VAV1: variants seen among roughly 807,000 people sequenced by gnomAD.
VAV1 encodes the protein proto-oncogene vav.
A neutral mutation model predicts 128.1 loss-of-function variants in VAV1; 33 were observed. That is an observed-to-expected ratio of 0.26 (90% CI 0.20 to 0.34). VAV1 has a LOEUF of 0.34. VAV1 is among the 10% of genes least tolerant of loss of function. The probability of loss-of-function intolerance (pLI) is 1.00; values close to 1 mark genes in which losing one functional copy is unlikely to be tolerated. For synonymous variants in VAV1, 394 were observed against 409.8 expected (o/e 0.96, Z 0.47); for missense variants, 715 against 1,093.7 (o/e 0.65, Z 4.88).
At chr19:6,853,357 C>A (rs1972713865) in intron 25 of VAV1, among the ~76,000 whole-genome samples, 1 of 151,706 alleles carries the variant, frequency 6.6e-6, no homozygotes, top group Admixed American at 6.6e-5. Flanking sequence ...CCTTTGCCTC[C>A]CACCTCTTGG....
rs1488688441 is a variant in VAV1 at position 6,826,166 on chromosome 19, C to T, written c.828-446C>T. Reference sequence around the variant, plus strand: ...CAGCCTGGCCAACATGGCAAAACCCCGTCTCTACTAAAAATACAAAAATTA... The same window carrying T: ...CAGCCTGGCCAACATGGCAAAACCCTGTCTCTACTAAAAATACAAAAATTA... On this transcript the variant is annotated intron_variant, in intron 8 of 26. Coordinates refer to ENST00000602142, the MANE Select transcript of VAV1 (RefSeq NM_005428.4). The surrounding 1 kb of genome is among the most constrained non-coding windows in gnomAD (Gnocchi z 4.1). Among the ~76,000 whole-genome samples, 2 of 151,758 alleles carry T rather than the reference C, an allele frequency of 1.3e-5. No homozygotes were observed. The highest frequency in any genetic ancestry group is 2.9e-5 in the Non-Finnish European group (2 of 67,950).
intron 22 of VAV1, among the ~76,000 whole-genome samples, chr19:6,847,264 C>G (rs923234738): frequency 1.4e-4 from 21 of 152,134 alleles, no homozygotes; most frequent in African/African-American, 5.1e-4. Flanking sequence ...CCGTTTAGCT[C>G]CAAAACATTC....
intron 13 of VAV1, 134 bp downstream of exon 13, chr19:6,829,034 GGACA>G (rs1971989058): frequency 9.9e-7 from 1 of 1,011,624 alleles, no homozygotes; most frequent in African/African-American, 1.6e-5. Context: ...GCTTCTAGAT[GGACA>G]GGTGGGTGGA....
At chr19:6,825,462 G>A (rs1373707235) in intron 8 of VAV1, 56 bp downstream of exon 8, 19 of 1,487,398 alleles carry the variant, frequency 1.3e-5, no homozygotes, top group Non-Finnish European at 1.7e-5. Context: ...TGCCTAGGCT[G>A]GGCATCTGAG....
intron 1 of VAV1, among the ~76,000 whole-genome samples, chr19:6,776,443 TCCAC>T (rs747923618): frequency 5.2e-5 from 6 of 115,978 alleles, no homozygotes; most frequent in Admixed American, 1.6e-4. Flanking sequence ...CATCCATCCA[TCCAC>T]CCACCCATCC....
intron 1 of VAV1, among the ~76,000 whole-genome samples, chr19:6,807,471 C>T (rs573774962): frequency 5.9e-5 from 9 of 152,140 alleles, no homozygotes; most frequent in South Asian, 4.1e-4. Context: ...GGTGGTAATG[C>T]GAGCAATGGG....
At chr19:6,796,369 G>C (rs2617819) in intron 1 of VAV1, among the ~76,000 whole-genome samples, 42,352 of 151,792 alleles carry the variant, frequency 0.28, 10,374 homozygotes, top group African/African-American at 0.67. Flanking sequence ...GCCACTTGCT[G>C]CATTTTGATT....
Position 6,857,328 on chromosome 19 carries a change from AG to A in VAV1, c.*226del. 1 of 575,444 alleles carries A rather than the reference AG, an allele frequency of 1.7e-6. No individual in the cohort carries two copies. The highest frequency in any genetic ancestry group is 2.1e-5 in the South Asian group (1 of 48,452). 35.6% of individuals were successfully genotyped at this position (575,444 alleles called of 1,614,324 possible). A position where few individuals can be genotyped will look rare whatever the true frequency, so the allele number is the denominator to read the frequency against. On this transcript the variant is annotated 3_prime_UTR_variant, in exon 27 of 27. Transcript: ENST00000602142. Reference sequence around the variant, plus strand: ...GGTCCCCTCAAGCAGACGGGGCTCAAGGGGGTTACATTTAATAAAAGGATGA... The same window carrying A: ...GGTCCCCTCAAGCAGACGGGGCTCAAGGGGTTACATTTAATAAAAGGATGA...
rs28571162 is a variant in VAV1, at chr19:6,852,724, G to C, written c.2218-241G>C. Among the ~76,000 whole-genome samples, 50 of 141,790 alleles carry C rather than the reference G, an allele frequency of 3.5e-4. 1 individual carries two copies. The highest frequency in any genetic ancestry group is 1.2e-3 in the African/African-American group (48 of 38,882). 93.0% of individuals were successfully genotyped at this position (141,790 alleles called of 152,430 possible). On this transcript the variant is annotated intron_variant, in intron 24 of 26. Transcript: ENST00000602142. ...CGACAGAGCCAGACTCCGTCTCAAA[G>C]AAAAAAAAAAAAGAAAGAAAGAACC...
chr19:6,833,163 T>C (rs759832296), intron 15 of VAV1, 21 bp from the exon 16 acceptor site: 1 of 1,579,612 alleles, frequency 6.3e-7, no homozygotes, highest in Non-Finnish European at 8.6e-7. Context: ...TTTTTTTTTT[T>C]TTTTAATTTT....
intron 21 of VAV1, 73 bp downstream of exon 21, chr19:6,837,123 G>T (rs1457140684): frequency 6.6e-7 from 1 of 1,507,978 alleles, no homozygotes; most frequent in Non-Finnish European, 9.2e-7. Context: ...GACAGACTTG[G>T]AAAGACACCC....
chr19:6,816,847 C>G (rs1220786855), intron 1 of VAV1, among the ~76,000 whole-genome samples: 3 of 151,700 alleles, frequency 2.0e-5, no homozygotes, highest in African/African-American at 7.3e-5. Context: ...TCCTGTAGTT[C>G]CAGCTACTTG....
At chr19:6,837,831 C>G (rs982831701) in intron 21 of VAV1, among the ~76,000 whole-genome samples, 3 of 152,092 alleles carry the variant, frequency 2.0e-5, no homozygotes, top group African/African-American at 7.2e-5. Flanking sequence ...TTCTTAAGAG[C>G]AAGAGCCTTC....
intron 22 of VAV1, among the ~76,000 whole-genome samples, chr19:6,844,063 CTTTTTTTTTTTTTTTTTTTTTTT>C (rs71177123): frequency 4.0e-3 from 86 of 21,324 alleles, no homozygotes; most frequent in African/African-American, 8.7e-3. Flanking sequence ...TCTTCTTCTT[CTTTTTTTTTTTTTTTTTTTTTTT>C]TTTTTTTTTT....
At chr19:6,810,705 C>CAA (rs111621825) in intron 1 of VAV1, among the ~76,000 whole-genome samples, 2 of 144,062 alleles carry the variant, frequency 1.4e-5, no homozygotes, top group African/African-American at 5.0e-5. Context: ...AACGTTATCT[C>CAA]AAAAAAAAAA....
intron 1 of VAV1, among the ~76,000 whole-genome samples, chr19:6,810,669 C>T (rs1349202207): frequency 6.6e-6 from 1 of 152,026 alleles, no homozygotes; most frequent in East Asian, 1.9e-4. Flanking sequence ...CACGTCATTG[C>T]ACTCTGGCCT....
intron 21 of VAV1, among the ~76,000 whole-genome samples, chr19:6,838,747 A>G (rs1972294022): frequency 6.6e-6 from 1 of 151,938 alleles, no homozygotes; most frequent in Non-Finnish European, 1.5e-5. Flanking sequence ...TTTTTGTTTT[A>G]GAGAGAGGGT....
rs377363083 is a variant in VAV1, at chr19:6,819,264, A to C, written c.205-1438A>C. ...TCTAAGAAGTTATGTTTCTGAACCT[A>C]TTGAGCCTTTATAGGAACATATGAA... On this transcript the variant is annotated intron_variant, in intron 1 of 26. Coordinates refer to ENST00000602142, the MANE Select transcript of VAV1 (RefSeq NM_005428.4). Among the ~76,000 whole-genome samples, 8 of 152,318 alleles carry C rather than the reference A, an allele frequency of 5.3e-5. No homozygotes were observed. In the East Asian group the frequency reaches 7.7e-4, roughly 15 times the overall value.
chr19:6,785,217 G>A (rs1280314569), intron 1 of VAV1, among the ~76,000 whole-genome samples: 1 of 152,004 alleles, frequency 6.6e-6, no homozygotes, highest in Non-Finnish European at 1.5e-5. Context: ...TATTGCCCAG[G>A]CTGGAGTGCA....
Sources: allele counts gnomAD v4.1 joint callset (sites outside exome capture counted in the v4.1 genomes callset), GRCh38; gene constraint gnomAD v4.1.1; non-coding constraint Gnocchi (gnomAD v3.1); transcripts MANE v1.5; gene names NCBI Gene and HGNC (gene_info 2026-07-23, HGNC 2026-07-21).